The following MAST2 variants were observed in gnomAD, a reference collection of about 807,000 sequenced individuals.
MAST2 encodes the protein microtubule-associated serine/threonine-protein kinase 2.
In MAST2, 70 loss-of-function variants were observed where a neutral mutation model predicts 147.4. The observed-to-expected ratio is 0.47, with a 90% CI of 0.39 to 0.58. The LOEUF (loss-of-function observed/expected upper bound fraction) is 0.58. Ranked by LOEUF, MAST2 falls within the 20% of genes least tolerant of loss-of-function variation. The probability of loss-of-function intolerance (pLI) is 0.00; values close to 1 mark genes in which losing one functional copy is unlikely to be tolerated. For missense variants in MAST2, 2,080 were observed against 2,302.3 expected (o/e 0.90, Z 1.98); for synonymous variants, 869 against 896.8 (o/e 0.97, Z 0.55).
intron 1 of MAST2, among the ~76,000 whole-genome samples, chr1:45,811,979 A>G (rs533616178): frequency 1.3e-5 from 2 of 152,102 alleles, no homozygotes; most frequent in South Asian, 4.2e-4. Flanking sequence ...CATGTTGGCC[A>G]GGCTGGTCTG....
intron 3 of MAST2, among the ~76,000 whole-genome samples, chr1:45,878,033 G>A (rs1182009585): frequency 6.6e-6 from 1 of 151,804 alleles, no homozygotes; most frequent in Non-Finnish European, 1.5e-5. Flanking sequence ...GTGAAACCCC[G>A]TCGCTACTAA....
chr1:45,844,916 G>T (rs1645384470), intron 3 of MAST2, among the ~76,000 whole-genome samples: 3 of 152,252 alleles, frequency 2.0e-5, no homozygotes, highest in African/African-American at 7.2e-5. Flanking sequence ...CATCTGATGA[G>T]GGCTTTCTTG....
intron 4 of MAST2, among the ~76,000 whole-genome samples, chr1:45,957,945 G>A (rs149035067): frequency 1.2e-4 from 18 of 152,270 alleles, no homozygotes; most frequent in African/African-American, 3.1e-4. Flanking sequence ...AGGTAGCAAC[G>A]TTTCATTTGG....
At chr1:45,985,283 C>T (rs1644569752) in intron 5 of MAST2, among the ~76,000 whole-genome samples, 1 of 151,560 alleles carries the variant, frequency 6.6e-6, no homozygotes, top group Admixed American at 6.6e-5. Context: ...TAGTAGAGAC[C>T]AGGTTTCACC....
At chr1:45,911,967 C>T (rs775063617) in intron 4 of MAST2, among the ~76,000 whole-genome samples, 4 of 151,144 alleles carry the variant, frequency 2.6e-5, no homozygotes, top group Non-Finnish European at 4.4e-5. Context: ...TCAGCCATAA[C>T]TGCAAGCCTT....
At chr1:45,825,118 C>T (rs1462435788) in intron 2 of MAST2, among the ~76,000 whole-genome samples, 3 of 151,830 alleles carry the variant, frequency 2.0e-5, no homozygotes, top group Non-Finnish European at 2.9e-5. Context: ...CTCCGCCTCC[C>T]GGATTCATGC....
At chr1:45,915,376 T>C (rs148729266) in intron 4 of MAST2, among the ~76,000 whole-genome samples, 10 of 152,324 alleles carry the variant, frequency 6.6e-5, no homozygotes, top group Non-Finnish European at 1.5e-4. Flanking sequence ...AGACCCATTG[T>C]ATAACCAGTT....
intron 1 of MAST2, among the ~76,000 whole-genome samples, chr1:45,819,893 T>G (rs901425190): frequency 6.6e-6 from 1 of 152,136 alleles, no homozygotes; most frequent in South Asian, 2.1e-4. Flanking sequence ...CAAAGCTATC[T>G]TCAACATAAA....
chr1:45,913,699 T>C, intron 4 of MAST2: 1 of 1,022,380 alleles, frequency 9.8e-7, no homozygotes, highest in Middle Eastern at 2.7e-4. Context: ...TGAAGAAAAG[T>C]ACTTTAATTT....
chr1:45,958,410 C>G (rs1570930580), intron 4 of MAST2, among the ~76,000 whole-genome samples: 1 of 152,228 alleles, frequency 6.6e-6, no homozygotes, highest in East Asian at 1.9e-4. Context: ...CTACTTTTGT[C>G]TGAGTCCTTC....
Position 45,848,411 on chromosome 1 carries a change from G to T in MAST2, c.468+18830G>T, listed in dbSNP as rs1645512948. On this transcript the variant is annotated intron_variant, in intron 3 of 28. Transcript: ENST00000361297. ...TTTGGTATGTAGTAGGCAAGAGGGT[G>T]CCTGTGTGAGCAGCTCCATTAAAAA... Among the ~76,000 whole-genome samples, 3 of 152,350 alleles carry T rather than the reference G, an allele frequency of 2.0e-5. No individual in the cohort carries two copies. In the South Asian group the frequency reaches 6.2e-4, roughly 32 times the overall value.
In MAST2 at chr1:46,022,788, A is replaced by G. The variant is rs530728923; in HGVS notation, c.1424-122A>G. The G allele has an allele frequency of 8.5e-5, 65 of 766,748 alleles. No homozygotes were observed. The Middle Eastern group carries it at 2.1e-3, about 25-fold the overall frequency. The allele number at this position is 766,748 out of a possible 1,614,324, so 47.5% of individuals were successfully genotyped here. Reference sequence around the variant, plus strand: ...TATAGTGCCATGGGACTGAATTCACATCCTAGGCTGATGCAAAAAGCATTA... The same window carrying G: ...TATAGTGCCATGGGACTGAATTCACGTCCTAGGCTGATGCAAAAAGCATTA... On this transcript the variant is annotated intron_variant, in intron 12 of 28. Transcript: ENST00000361297.
chr1:45,972,377 A>ATTAT (rs1643948376), intron 5 of MAST2, among the ~76,000 whole-genome samples: 2 of 152,240 alleles, frequency 1.3e-5, no homozygotes, highest in Non-Finnish European at 2.9e-5. Flanking sequence ...AGTTTACTCC[A>ATTAT]TACCCAGAAG....
Position 45,920,148 on chromosome 1 carries a change from C to T in MAST2, c.500+37753C>T, listed in dbSNP as rs190110176. 4.1e-4 allele frequency among the ~76,000 whole-genome samples: 63 copies of T among 152,220 alleles called. No individual in the cohort carries two copies. The South Asian group carries it at 0.012, about 30-fold the overall frequency. Reference sequence around the variant, plus strand: ...CCACTCAGGCTGATGGGAGCATGAACGATTCTGGGTCCTTAGTGAGCCCTG... The same window carrying T: ...CCACTCAGGCTGATGGGAGCATGAATGATTCTGGGTCCTTAGTGAGCCCTG... On this transcript the variant is annotated intron_variant, in intron 4 of 28. Coordinates refer to ENST00000361297, the MANE Select transcript of MAST2 (RefSeq NM_015112.3).
intron 4 of MAST2, among the ~76,000 whole-genome samples, chr1:45,921,521 A>C (rs551076774): frequency 5.9e-5 from 9 of 152,176 alleles, no homozygotes; most frequent in African/African-American, 2.2e-4. Flanking sequence ...GCAAGTGAGC[A>C]TAGGGTCCGG....
At chr1:45,992,995 A>C (rs1017441689) in intron 5 of MAST2, among the ~76,000 whole-genome samples, 2 of 152,000 alleles carry the variant, frequency 1.3e-5, no homozygotes, top group African/African-American at 4.8e-5. Flanking sequence ...CCTCATATCA[A>C]TCTTCAAATA....
At chr1:45,932,422 C>G (rs764645608) in intron 4 of MAST2, among the ~76,000 whole-genome samples, 4 of 152,154 alleles carry the variant, frequency 2.6e-5, no homozygotes, top group Non-Finnish European at 5.9e-5. Context: ...TGGCTCACAC[C>G]TGTAATCCCA....
At chr1:45,884,185 AT>A (rs1308572138) in intron 4 of MAST2, among the ~76,000 whole-genome samples, 1 of 151,912 alleles carries the variant, frequency 6.6e-6, no homozygotes, top group Non-Finnish European at 1.5e-5. Flanking sequence ...TCAGAAATAG[AT>A]TTTCCCTCCT....
intron 11 of MAST2, among the ~76,000 whole-genome samples, chr1:46,020,254 T>G (rs1029795376): frequency 6.6e-6 from 1 of 152,154 alleles, no homozygotes; most frequent in African/African-American, 2.4e-5. Context: ...GGAAGGAACA[T>G]TCAGTGAATG....
Sources: gnomAD v4.1 joint callset for allele counts (sites outside exome capture counted in the v4.1 genomes callset) on GRCh38, gnomAD v4.1.1 for gene constraint, MANE v1.5 for transcripts, NCBI Gene and HGNC (gene_info 2026-07-23, HGNC 2026-07-21) for gene names.